MSRB3: variants seen among roughly 807,000 people sequenced by gnomAD.
The protein encoded by MSRB3 is methionine-R-sulfoxide reductase B3.
Under a neutral mutation model 21.0 loss-of-function variants are expected in MSRB3, and 13 were observed. The ratio of observed to expected loss-of-function variants is 0.62; its 90% CI spans 0.40 to 0.98. MSRB3 has a LOEUF of 0.98. Among genes scored for constraint, MSRB3 ranks in the 50% least tolerant of loss-of-function variants. The pLI, the probability that MSRB3 is intolerant of heterozygous loss-of-function variation, is 0.00. For synonymous variants in MSRB3, 87 were observed against 88.6 expected (o/e 0.98, Z 0.10); for missense variants, 199 against 230.3 (o/e 0.86, Z 0.88).
At chr12:65,393,020 CT>C (rs1210423098) in intron 5 of MSRB3, among the ~76,000 whole-genome samples, 1 of 152,030 alleles carries the variant, frequency 6.6e-6, no homozygotes, top group Non-Finnish European at 1.5e-5. Flanking sequence ...ATATGATTTA[CT>C]GCTCTATAGT....
chr12:65,427,591 G>A (rs983657943), intron 5 of MSRB3, among the ~76,000 whole-genome samples: 2 of 152,276 alleles, frequency 1.3e-5, no homozygotes, highest in Middle Eastern at 3.4e-3. Context: ...TGCCCATGGA[G>A]CAGCCATGGA....
intron 6 of MSRB3, among the ~76,000 whole-genome samples, chr12:65,460,926 C>T (rs1360883942): frequency 6.6e-6 from 1 of 152,116 alleles, no homozygotes; most frequent in Non-Finnish European, 1.5e-5. Context: ...CCATATAACT[C>T]ATTCTTAAAC....
At chr12:65,456,100 A>C (rs992691983) in intron 6 of MSRB3, among the ~76,000 whole-genome samples, 3 of 152,204 alleles carry the variant, frequency 2.0e-5, no homozygotes, top group African/African-American at 7.2e-5. Flanking sequence ...CAAAAAGGTA[A>C]ACTATAAGTA....
rs4762094 is a variant in MSRB3 at position 65,320,952 on chromosome 12, C to T, written c.77-5874C>T. On this transcript the variant is annotated intron_variant, in intron 2 of 6. Coordinates refer to ENST00000308259, the MANE Select transcript of MSRB3 (RefSeq NM_001031679.3). The stretch of plus-strand genomic sequence containing the variant: ...TTTTCATCTCTTGCATTGATCATTC[C>T]TGCCATGTGTTCGGAAAGCTCTTCC... Among the ~76,000 whole-genome samples, 448 of 152,280 alleles carry T rather than the reference C, an allele frequency of 2.9e-3. 8 individuals are homozygous for T. The highest frequency in any genetic ancestry group is 0.027 in the Admixed American group (418 of 15,302).
intron 5 of MSRB3, among the ~76,000 whole-genome samples, chr12:65,406,023 G>A (rs1880396073): frequency 6.6e-6 from 1 of 152,012 alleles, no homozygotes; most frequent in Admixed American, 6.6e-5. Context: ...TCTATAGGTT[G>A]TCTCTTCACT....
At chr12:65,340,851 A>T (rs1202329925) in intron 4 of MSRB3, among the ~76,000 whole-genome samples, 1 of 152,096 alleles carries the variant, frequency 6.6e-6, no homozygotes, top group East Asian at 1.9e-4. Flanking sequence ...AATTTTCTAA[A>T]AATAAAATAA....
chr12:65,319,911 G>C (rs76467696), intron 2 of MSRB3, among the ~76,000 whole-genome samples: 1 of 152,158 alleles, frequency 6.6e-6, no homozygotes, highest in South Asian at 2.1e-4. Flanking sequence ...AGGAAAACTT[G>C]CTTGACAACG....
At chr12:65,363,194 G>A (rs1877810206) in intron 4 of MSRB3, among the ~76,000 whole-genome samples, 1 of 152,112 alleles carries the variant, frequency 6.6e-6, no homozygotes, top group Non-Finnish European at 1.5e-5. Flanking sequence ...GCTAATTTCT[G>A]TACTTGATAC....
At chr12:65,297,463 G>A (rs1269360167) in intron 1 of MSRB3, among the ~76,000 whole-genome samples, 1 of 152,128 alleles carries the variant, frequency 6.6e-6, no homozygotes, top group African/African-American at 2.4e-5. Context: ...AGACTGTATG[G>A]GAAACTATAA....
Position 65,326,934 on chromosome 12 carries a change from G to T in MSRB3, c.185G>T (p.Ser62Ile). ...GTCACTCAGGAGAAAGGGACCGAAAGGTAAGGTGAGCTTTAATAAAAAGTC... is the reference window on the plus strand; with the variant it reads ...GTCACTCAGGAGAAAGGGACCGAAATGTAAGGTGAGCTTTAATAAAAAGTC... The part of the protein sequence containing the change: ...YHVTQEKGTE[S>I]AFEGEYTHHK... The change falls in exon 3 of 7, where the codon AGT (serine) becomes ATT (isoleucine). Residue 62 changes from serine (S) to isoleucine (I), a missense_variant and splice_region_variant. By Grantham distance (142) the Ser-to-Ile change is moderately radical. Coordinates refer to ENST00000308259, the MANE Select transcript of MSRB3 (RefSeq NM_001031679.3). 6.2e-7 allele frequency: 1 copy of T among 1,610,236 alleles called. No homozygotes were observed. Among genetic ancestry groups the T allele is most frequent in the Non-Finnish European group, 8.5e-7 (1 of 1,177,022 alleles).
intron 5 of MSRB3, among the ~76,000 whole-genome samples, chr12:65,385,187 T>C (rs1004233428): frequency 1.3e-5 from 2 of 152,102 alleles, no homozygotes; most frequent in African/African-American, 4.8e-5. Context: ...GATAGCGATA[T>C]GGGTTTTATT....
intron 5 of MSRB3, among the ~76,000 whole-genome samples, chr12:65,442,679 G>A (rs1307763901): frequency 6.6e-6 from 1 of 152,014 alleles, no homozygotes; most frequent in Admixed American, 6.6e-5. Context: ...GCTTTTGGAA[G>A]CAAAATAAAA....
rs1592661111 is a variant in MSRB3 at position 65,463,583 on chromosome 12, TC to T, written c.*262del. 3.1e-5 allele frequency: 14 copies of T among 448,192 alleles called. No homozygotes were observed. In the East Asian group the frequency reaches 6.3e-4, roughly 20 times the overall value. 27.8% of individuals were successfully genotyped at this position (448,192 alleles called of 1,614,324 possible). A position where few individuals can be genotyped will look rare whatever the true frequency, so the allele number is the denominator to read the frequency against. Reference sequence around the variant, plus strand: ...ACAAGCCACTTATACCCTTTGGCATTCTTTTCTTTGAGCACATGGCTTCTTT... The same window carrying T: ...ACAAGCCACTTATACCCTTTGGCATTTTTTCTTTGAGCACATGGCTTCTTT... On this transcript the variant is annotated 3_prime_UTR_variant, in exon 7 of 7. Coordinates refer to ENST00000308259, the MANE Select transcript of MSRB3 (RefSeq NM_001031679.3).
At chr12:65,308,313 A>C (rs940143075) in intron 1 of MSRB3, among the ~76,000 whole-genome samples, 2 of 152,156 alleles carry the variant, frequency 1.3e-5, no homozygotes, top group Non-Finnish European at 2.9e-5. Flanking sequence ...CACAGATTGC[A>C]CTGCTATCAT....
At chr12:65,306,437 G>A (rs111951929) in intron 1 of MSRB3, among the ~76,000 whole-genome samples, 136 of 152,272 alleles carry the variant, frequency 8.9e-4, no homozygotes, top group African/African-American at 3.0e-3. Flanking sequence ...AGTGGTTTAT[G>A]AGTAATGCTA....
chr12:65,303,550 T>C (rs926011192), intron 1 of MSRB3, among the ~76,000 whole-genome samples: 3 of 152,204 alleles, frequency 2.0e-5, no homozygotes, highest in Non-Finnish European at 2.9e-5. Flanking sequence ...ATGGCAGAGA[T>C]AGAAGCATTG....
Position 65,372,527 on chromosome 12 carries a change from G to A in MSRB3, c.292+3501G>A, listed in dbSNP as rs549896474. Among the ~76,000 whole-genome samples the A allele has an allele frequency of 7.9e-5, 12 of 152,310 alleles. No homozygotes were observed. In the South Asian group the frequency reaches 1.5e-3, roughly 18 times the overall value. On this transcript the variant is annotated intron_variant, in intron 5 of 6. Transcript: ENST00000308259. The stretch of plus-strand genomic sequence containing the variant: ...ACCTTTTCCTAGTTGATGTACTAAT[G>A]TTGGCTTGCCTAGGATTGTGTGGAG...
intron 5 of MSRB3, among the ~76,000 whole-genome samples, chr12:65,373,161 C>G (rs143589594): frequency 1.3e-5 from 2 of 152,132 alleles, no homozygotes; most frequent in Non-Finnish European, 2.9e-5. Flanking sequence ...ATGCACGTCT[C>G]TCAAACACAA....
At chr12:65,367,583 G>T (rs1456873533) in intron 4 of MSRB3, among the ~76,000 whole-genome samples, 2 of 152,222 alleles carry the variant, frequency 1.3e-5, no homozygotes, top group Non-Finnish European at 2.9e-5. Context: ...TAGTTGAGTG[G>T]GGGAGATAGA....
Sources: allele counts gnomAD v4.1 joint callset (sites outside exome capture counted in the v4.1 genomes callset), GRCh38; gene constraint gnomAD v4.1.1; transcripts MANE v1.5; gene names NCBI Gene and HGNC (gene_info 2026-07-23, HGNC 2026-07-21).